CSMD3: variants seen among roughly 807,000 people sequenced by gnomAD.
The protein encoded by CSMD3 is CUB and Sushi multiple domains 3.
CSMD3 carries 177 observed loss-of-function variants against 435.2 expected under a neutral mutation model. The observed-to-expected ratio is 0.41, with a 90% CI of 0.36 to 0.46. CSMD3 has a LOEUF of 0.46. Ranked by LOEUF, CSMD3 falls within the 20% of genes least tolerant of loss-of-function variation. The probability of loss-of-function intolerance (pLI) is 0.34; values close to 1 mark genes in which losing one functional copy is unlikely to be tolerated. For synonymous variants in CSMD3, 1,656 were observed against 1,520.5 expected, an observed-to-expected ratio of 1.09 and a Z score of -2.07; for missense variants, 4,265 against 4,504.6, an observed-to-expected ratio of 0.95 and a Z score of 1.52.
intron 5 of CSMD3, among the ~76,000 whole-genome samples, chr8:113,094,750 T>C (rs976648163): frequency 4.6e-5 from 7 of 152,074 alleles, no homozygotes; most frequent in African/African-American, 1.7e-4. Flanking sequence ...ACTGATCTGA[T>C]TGTTACAAAT....
chr8:112,909,324 A>T (rs2130517213), intron 10 of CSMD3, among the ~76,000 whole-genome samples: 1 of 151,822 alleles, frequency 6.6e-6, no homozygotes, highest in East Asian at 2.0e-4. Flanking sequence ...AACTAAAAAA[A>T]TATGTACTAG....
chr8:112,816,593 C>A (rs1267155911), intron 12 of CSMD3, among the ~76,000 whole-genome samples: 2 of 151,902 alleles, frequency 1.3e-5, no homozygotes, highest in Non-Finnish European at 2.9e-5. Context: ...AGAATTTGTT[C>A]AAGGCAAATA....
intron 36 of CSMD3, among the ~76,000 whole-genome samples, chr8:112,384,448 C>G (rs1409012852): frequency 6.6e-6 from 1 of 152,148 alleles, no homozygotes; most frequent in East Asian, 1.9e-4. Flanking sequence ...ACAGCTTGAG[C>G]TTTTGCAAGA....
intron 10 of CSMD3, among the ~76,000 whole-genome samples, chr8:112,870,550 A>AC (rs1477916316): frequency 2.0e-5 from 3 of 152,124 alleles, no homozygotes; most frequent in African/African-American, 7.2e-5. Context: ...TGCTGGGATT[A>AC]CAGGCGTGAG....
intron 27 of CSMD3, among the ~76,000 whole-genome samples, chr8:112,543,884 T>C (rs1006469187): frequency 4.6e-5 from 7 of 152,130 alleles, no homozygotes; most frequent in Non-Finnish European, 1.0e-4. Flanking sequence ...TGGAATACGA[T>C]TTGGTCTCTA....
chr8:113,055,516 T>G (rs757360050), intron 5 of CSMD3, among the ~76,000 whole-genome samples: 5 of 152,208 alleles, frequency 3.3e-5, no homozygotes, highest in Non-Finnish European at 5.9e-5. Flanking sequence ...GTCCCCAAGC[T>G]TTAAATATCA....
At position 113,361,002 on chromosome 8, in the gene CSMD3, G is replaced by A. The variant is rs575331706; in HGVS notation, c.179-46209C>T. Among the ~76,000 whole-genome samples the A allele has an allele frequency of 1.7e-4, 26 of 152,204 alleles. No homozygotes were observed. The South Asian group carries it at 5.4e-3, about 32-fold the overall frequency. ...AAACAATTTTTTACAAGTAGTGACTGAATAGTTTTAAGCAGAAAAAAAAGG... is the reference window on the plus strand; with the variant it reads ...AAACAATTTTTTACAAGTAGTGACTAAATAGTTTTAAGCAGAAAAAAAAGG... On this transcript the variant is annotated intron_variant, in intron 1 of 70. Transcript: ENST00000297405.
At chr8:112,325,295 T>C (rs373163760) in intron 45 of CSMD3, among the ~76,000 whole-genome samples, 1 of 152,118 alleles carries the variant, frequency 6.6e-6, no homozygotes. Context: ...TTATGTTCTG[T>C]ATAATTTTCT....
At chr8:112,296,847 C>A (rs973294671) in intron 53 of CSMD3, among the ~76,000 whole-genome samples, 4 of 151,690 alleles carry the variant, frequency 2.6e-5, no homozygotes, top group African/African-American at 9.7e-5. Context: ...TCTTAGCTAA[C>A]CCTATTAACA....
chr8:112,938,790 G>A (rs896923787), intron 9 of CSMD3, among the ~76,000 whole-genome samples: 1 of 152,046 alleles, frequency 6.6e-6, no homozygotes, highest in Non-Finnish European at 1.5e-5. Context: ...CATTGAGGAA[G>A]AATTTAAATG....
At chr8:112,359,034 G>C (rs923871834) in intron 38 of CSMD3, among the ~76,000 whole-genome samples, 29 of 151,882 alleles carry the variant, frequency 1.9e-4, no homozygotes, top group African/African-American at 7.0e-4. Context: ...TTGCTTTTTT[G>C]CCAAAACATT....
chr8:112,299,089 T>A (rs1820647459), intron 53 of CSMD3, among the ~76,000 whole-genome samples: 1 of 152,070 alleles, frequency 6.6e-6, no homozygotes, highest in South Asian at 2.1e-4. Flanking sequence ...AAAAGAAGCC[T>A]TATACAAAAG....
At chr8:112,603,468 C>CAGTATGTACTG (rs1563757773) in intron 22 of CSMD3, among the ~76,000 whole-genome samples, 2 of 151,972 alleles carry the variant, frequency 1.3e-5, no homozygotes, top group African/African-American at 4.8e-5. Context: ...AATTATTACT[C>CAGTATGTACTG]TAGTACAGTA....
intron 32 of CSMD3, among the ~76,000 whole-genome samples, chr8:112,439,968 T>G (rs549060567): frequency 6.6e-6 from 1 of 152,114 alleles, no homozygotes; most frequent in South Asian, 2.1e-4. Context: ...CCCTGGCCCC[T>G]CCCAAATCTC....
At chr8:113,349,032 T>C (rs1041997488) in intron 1 of CSMD3, among the ~76,000 whole-genome samples, 1 of 152,028 alleles carries the variant, frequency 6.6e-6, no homozygotes, top group African/African-American at 2.4e-5. Context: ...TGTTGATTAG[T>C]GTAACTAGTT....
chr8:112,877,268 C>CTT (rs559305551), intron 10 of CSMD3, among the ~76,000 whole-genome samples: 1 of 146,828 alleles, frequency 6.8e-6, no homozygotes, highest in African/African-American at 2.5e-5. Flanking sequence ...CTTTAAATTT[C>CTT]TTTTTTTTTT....
chr8:113,103,427 G>A (rs1470267813), intron 4 of CSMD3, among the ~76,000 whole-genome samples: 1 of 152,066 alleles, frequency 6.6e-6, no homozygotes, highest in Non-Finnish European at 1.5e-5. Context: ...TGCATGTTAA[G>A]AAGTTTGCAA....
At chr8:112,981,978 A>G (rs2085068948) in intron 6 of CSMD3, among the ~76,000 whole-genome samples, 1 of 151,842 alleles carries the variant, frequency 6.6e-6, no homozygotes, top group African/African-American at 2.4e-5. Context: ...TTAGTACAAA[A>G]AATATAATAA....
chr8:113,231,971 G>C (rs943010634), intron 3 of CSMD3, among the ~76,000 whole-genome samples: 5 of 151,406 alleles, frequency 3.3e-5, no homozygotes, highest in Non-Finnish European at 5.9e-5. Flanking sequence ...ATACAACACA[G>C]GGATCAAATA....
Sources: gnomAD v4.1 joint callset for allele counts (sites outside exome capture counted in the v4.1 genomes callset) on GRCh38, gnomAD v4.1.1 for gene constraint, MANE v1.5 for transcripts, NCBI Gene and HGNC (gene_info 2026-07-23, HGNC 2026-07-21) for gene names.